The following EVC2 variants were observed in gnomAD, a reference collection of about 807,000 sequenced individuals.
EVC2 encodes EvC ciliary complex subunit 2.
A neutral mutation model predicts 149.3 loss-of-function variants in EVC2; 148 were observed. The observed-to-expected ratio is 0.99, with a 90% CI of 0.87 to 1.14. The LOEUF (loss-of-function observed/expected upper bound fraction) is 1.14, where lower values mean the gene tolerates loss of function less well. Ranked by LOEUF, EVC2 falls within the 50% of genes most tolerant of loss-of-function variation. The pLI is 0.00. For missense variants in EVC2, 1,854 were observed against 1,627.3 expected (o/e 1.14, Z -2.40); for synonymous variants, 776 against 649.9 (o/e 1.19, Z -2.95).
intron 10 of EVC2, among the ~76,000 whole-genome samples, chr4:5,632,848 A>T (rs918704705): frequency 3.9e-5 from 6 of 152,078 alleles, no homozygotes; most frequent in African/African-American, 1.2e-4. Flanking sequence ...TCTTCACTCC[A>T]CATGGGTAGG....
intron 7 of EVC2, among the ~76,000 whole-genome samples, 177 bp downstream of exon 7, chr4:5,681,083 A>G (rs1433869774): frequency 6.6e-6 from 1 of 152,182 alleles, no homozygotes; most frequent in East Asian, 1.9e-4. Context: ...CAGGGAAACC[A>G]GTCAGATAGC....
At chr4:5,624,237 A>G (rs1319449310) in intron 13 of EVC2, among the ~76,000 whole-genome samples, 1 of 152,218 alleles carries the variant, frequency 6.6e-6, no homozygotes, top group Non-Finnish European at 1.5e-5. Context: ...TCTTTATAAC[A>G]GTGGGTCCAC....
intron 12 of EVC2, among the ~76,000 whole-genome samples, chr4:5,626,459 G>A (rs995570297): frequency 6.6e-6 from 1 of 151,700 alleles, no homozygotes; most frequent in Non-Finnish European, 1.5e-5. Flanking sequence ...TCAGCCTCCG[G>A]AGTAGTTGGG....
At chr4:5,623,023 G>A (rs778880309) in intron 13 of EVC2, 32 bp from the exon 14 acceptor site, 44 of 1,608,190 alleles carry the variant, frequency 2.7e-5, no homozygotes, top group Non-Finnish European at 3.6e-5. Context: ...TTAAGTGGGG[G>A]TGGGGCTTGG....
intron 12 of EVC2, among the ~76,000 whole-genome samples, chr4:5,627,179 G>A (rs1716178633): frequency 6.6e-6 from 1 of 152,114 alleles, no homozygotes. Flanking sequence ...TCCCCAGCTT[G>A]GCCCAGGGAA....
chr4:5,572,997 C>T (rs1472295160), intron 19 of EVC2, among the ~76,000 whole-genome samples: 2 of 152,188 alleles, frequency 1.3e-5, no homozygotes, highest in Non-Finnish European at 2.9e-5. Flanking sequence ...TGCCTCAGTC[C>T]CTTTATTCAT....
At chr4:5,563,702 T>C (rs1343244545) in intron 21 of EVC2, among the ~76,000 whole-genome samples, 1 of 152,026 alleles carries the variant, frequency 6.6e-6, no homozygotes, top group Non-Finnish European at 1.5e-5. Flanking sequence ...AGATCAGCCA[T>C]GGTGGGAATA....
intron 9 of EVC2, among the ~76,000 whole-genome samples, chr4:5,649,142 ATC>A (rs1452033955): frequency 6.6e-6 from 1 of 152,222 alleles, no homozygotes; most frequent in African/African-American, 2.4e-5. Flanking sequence ...AGTCTGGGGC[ATC>A]TTTACTACCT....
chr4:5,558,156 G>A (rs1323840146), downstream of EVC2, among the ~76,000 whole-genome samples: 5 of 152,192 alleles, frequency 3.3e-5, no homozygotes, highest in African/African-American at 1.2e-4. Context: ...CTAATTTCAA[G>A]ACTTACTATA....
chr4:5,676,468 G>A (rs75747185), intron 7 of EVC2, among the ~76,000 whole-genome samples: 4,436 of 152,128 alleles, frequency 0.029, 212 homozygotes, highest in African/African-American at 0.1. Flanking sequence ...CCTATTCATC[G>A]CCATCACACC....
chr4:5,616,698 G>A (rs537958078), intron 15 of EVC2, among the ~76,000 whole-genome samples: 12 of 152,336 alleles, frequency 7.9e-5, no homozygotes, highest in Admixed American at 1.3e-4. Context: ...CTTCTCTGCC[G>A]CTATCTCGGG....
the EVC2 span, among the ~76,000 whole-genome samples, chr4:5,535,601 A>AGAG: frequency 8.5e-6 from 1 of 118,210 alleles, no homozygotes. This position sits in a 1 kb window ranked among gnomAD's most constrained non-coding sequence, Gnocchi z 4.7. Flanking sequence ...CATGCTTAGA[A>AGAG]AGAGAGAGAG....
rs1305554034 is a variant in EVC2, at chr4:5,686,088, T to C, written c.707-609A>G. ...CATATATAACATATATACACACACA[T>C]ATATATTACACACACACACACACAC... is the stretch of plus-strand genomic sequence containing the variant. On this transcript the variant is annotated intron_variant, in intron 5 of 21. Coordinates refer to ENST00000344408, the MANE Select transcript of EVC2 (RefSeq NM_147127.5). This position sits in a 1 kb window ranked among gnomAD's most constrained non-coding sequence, Gnocchi z 5.4. Among the ~76,000 whole-genome samples, 1 of 62,786 alleles carries C rather than the reference T, an allele frequency of 1.6e-5. No homozygotes were observed. The highest frequency in any genetic ancestry group is 5.9e-4 in the South Asian group (1 of 1,684). 41.2% of individuals were successfully genotyped at this position (62,786 alleles called of 152,430 possible).
intron 18 of EVC2, among the ~76,000 whole-genome samples, chr4:5,575,042 A>G (rs577089300): frequency 6.6e-6 from 1 of 152,294 alleles, no homozygotes; most frequent in East Asian, 1.9e-4. Flanking sequence ...ATGGCTTTAC[A>G]GGGTGATCTC....
chr4:5,544,852 C>T (rs779607700), intron 21 of EVC2, among the ~76,000 whole-genome samples: 5 of 152,124 alleles, frequency 3.3e-5, no homozygotes, highest in Non-Finnish European at 7.3e-5. Flanking sequence ...ACAGATCCAG[C>T]CCTGCAGCCC....
intron 21 of EVC2, among the ~76,000 whole-genome samples, chr4:5,556,983 G>C (rs1368303147): frequency 1.3e-5 from 2 of 152,148 alleles, no homozygotes; most frequent in East Asian, 3.9e-4. Context: ...TTTTACTGGT[G>C]AATTTTAGTA....
At chr4:5,536,783 CA>C in the EVC2 span, among the ~76,000 whole-genome samples, 301 of 137,512 alleles carry the variant, frequency 2.2e-3, no homozygotes, top group African/African-American at 4.0e-3. Flanking sequence ...GACTCTGTCT[CA>C]AAAAAAAAAA....
the EVC2 span, among the ~76,000 whole-genome samples, chr4:5,534,914 T>A: frequency 1.3e-5 from 2 of 150,610 alleles, no homozygotes; most frequent in African/African-American, 4.9e-5. Flanking sequence ...TCATCTCTAT[T>A]TTCTAGGGAA....
chr4:5,584,543 G>GT, intron 17 of EVC2, 80 bp downstream of exon 17: 1 of 1,427,750 alleles, frequency 7.0e-7, no homozygotes, highest in South Asian at 1.2e-5. Flanking sequence ...GTTGCAGCCT[G>GT]TTTCATAGAG....
Sources: allele counts gnomAD v4.1 joint callset (sites outside exome capture counted in the v4.1 genomes callset), GRCh38; gene constraint gnomAD v4.1.1; non-coding constraint Gnocchi (gnomAD v3.1); transcripts MANE v1.5; gene names NCBI Gene and HGNC (gene_info 2026-07-23, HGNC 2026-07-21).